LZTS1: variants seen among roughly 807,000 people sequenced by gnomAD.
LZTS1 encodes leucine zipper putative tumor suppressor 1.
LZTS1 carries 31 observed loss-of-function variants against 45.8 expected under a neutral mutation model. That is an observed-to-expected ratio of 0.68 (90% CI 0.51 to 0.91). LZTS1 has a LOEUF of 0.91. LZTS1 is among the 40% of genes least tolerant of loss of function. The pLI is 0.00. For missense variants in LZTS1, 821 were observed against 788.9 expected (o/e 1.04, Z -0.49); for synonymous variants, 359 against 357.3 (o/e 1.00, Z -0.05).
chr8:20,295,805 G>A (rs1324050881), intron 1 of LZTS1, among the ~76,000 whole-genome samples: 2 of 152,006 alleles, frequency 1.3e-5, no homozygotes, highest in Non-Finnish European at 2.9e-5. Context: ...TCAGTAGCAG[G>A]TGGACCCCTC....
chr8:20,280,184 T>C (rs915516036), intron 1 of LZTS1, among the ~76,000 whole-genome samples: 11 of 152,252 alleles, frequency 7.2e-5, no homozygotes, highest in Admixed American at 7.2e-4. Context: ...GTTTTCTCAG[T>C]TCTTTCTTTC....
intron 1 of LZTS1, among the ~76,000 whole-genome samples, chr8:20,295,167 C>G (rs1357737383): frequency 6.6e-6 from 1 of 151,826 alleles, no homozygotes; most frequent in African/African-American, 2.4e-5. Context: ...GATGTGAGAA[C>G]CGATTCTGCT....
At chr8:20,251,387 C>T (rs1799905444) in intron 3 of LZTS1, among the ~76,000 whole-genome samples, 1 of 151,860 alleles carries the variant, frequency 6.6e-6, no homozygotes, top group Non-Finnish European at 1.5e-5. Flanking sequence ...GGATTTTCTC[C>T]AGGACTGTGC....
chr8:20,253,098 T>C lies in LZTS1; in HGVS notation c.833A>G (p.Gln278Arg). Residue 278 changes from glutamine to arginine, a missense_variant, in exon 3 of 4, where the codon CAG (glutamine) becomes CGG (arginine). Coordinates refer to ENST00000381569, the MANE Select transcript of LZTS1 (RefSeq NM_021020.5). ...QKLLEREGAL[Q>R]KLQRSFEEKE... is the part of the protein sequence containing the mutation. Reference sequence around the variant, plus strand: ...CTCCTCAAAGCTGCGCTGCAGCTTCTGGAGGGCGCCCTCCCTCTCCAACAG... The same window carrying C: ...CTCCTCAAAGCTGCGCTGCAGCTTCCGGAGGGCGCCCTCCCTCTCCAACAG... 6.2e-7 allele frequency: 1 copy of C among 1,610,708 alleles called. No individual in the cohort carries two copies. Among genetic ancestry groups the C allele is most frequent in the Non-Finnish European group, 8.5e-7 (1 of 1,178,868 alleles).
intron 1 of LZTS1, among the ~76,000 whole-genome samples, chr8:20,277,271 C>G (rs1031993946): frequency 6.6e-6 from 1 of 152,206 alleles, no homozygotes; most frequent in African/African-American, 2.4e-5. Context: ...CTGGCAATGT[C>G]AGGAAATTAC....
chr8:20,297,988 A>G (rs1801006970), intron 1 of LZTS1, among the ~76,000 whole-genome samples: 1 of 152,206 alleles, frequency 6.6e-6, no homozygotes, highest in Admixed American at 6.5e-5. Context: ...ATTGGGACTC[A>G]GAACAGCTGG....
chr8:20,267,684 A>T (rs1258964175), intron 1 of LZTS1, among the ~76,000 whole-genome samples: 2 of 151,968 alleles, frequency 1.3e-5, no homozygotes, highest in Non-Finnish European at 2.9e-5. Flanking sequence ...TGCCCAGCTA[A>T]TTTTTTTATT....
intron 3 of LZTS1, among the ~76,000 whole-genome samples, 181 bp downstream of exon 3, chr8:20,252,601 G>A (rs759754905): frequency 2.6e-5 from 4 of 152,348 alleles, no homozygotes; most frequent in Non-Finnish European, 5.9e-5. Flanking sequence ...AAGCTCAGAT[G>A]TAAGTCGATC....
chr8:20,290,173 T>C (rs755787803), intron 1 of LZTS1: 1 of 152,098 alleles, frequency 6.6e-6, no homozygotes, highest in Non-Finnish European at 1.5e-5. Context: ...ATGGAGAAAC[T>C]GTCTATGGCC....
intron 1 of LZTS1, among the ~76,000 whole-genome samples, chr8:20,296,695 G>A (rs1168322031): frequency 6.6e-6 from 1 of 152,180 alleles, no homozygotes; most frequent in African/African-American, 2.4e-5. Flanking sequence ...ATACGTGTGT[G>A]TGCGTGTGTA....
chr8:20,257,044 T>G (rs573948807), intron 1 of LZTS1, among the ~76,000 whole-genome samples: 2 of 152,096 alleles, frequency 1.3e-5, no homozygotes, highest in South Asian at 4.2e-4. Flanking sequence ...GTCAAGAAAT[T>G]GTTTCCTAAA....
At chr8:20,303,714 G>C in intron 1 of LZTS1, 26 bp downstream of exon 1, 1 of 985,498 alleles carries the variant, frequency 1.0e-6, no homozygotes, top group Non-Finnish European at 1.2e-6. Flanking sequence ...CCAGGGGCGA[G>C]GAGATCCCCG....
chr8:20,286,442 C>A (rs929946789), intron 1 of LZTS1, among the ~76,000 whole-genome samples: 1 of 152,120 alleles, frequency 6.6e-6, no homozygotes, highest in African/African-American at 2.4e-5. Context: ...AAGTTAAAAT[C>A]ATAATTAAAT....
intron 1 of LZTS1, among the ~76,000 whole-genome samples, chr8:20,271,425 C>G (rs966421002): frequency 2.7e-4 from 41 of 152,180 alleles, no homozygotes; most frequent in African/African-American, 9.7e-4. Flanking sequence ...CAGCTGCCAC[C>G]TAAGTCCCTC....
chr8:20,260,400 G>T (rs747501434), intron 1 of LZTS1, among the ~76,000 whole-genome samples: 7 of 152,160 alleles, frequency 4.6e-5, no homozygotes, highest in Admixed American at 1.3e-4. Flanking sequence ...GGAGGCTAAG[G>T]CACAGACTCA....
At chr8:20,293,769 C>T (rs1800938563) in intron 1 of LZTS1, among the ~76,000 whole-genome samples, 1 of 151,942 alleles carries the variant, frequency 6.6e-6, no homozygotes. Context: ...CTCATCTCTA[C>T]AAAAAAATTT....
intron 1 of LZTS1, among the ~76,000 whole-genome samples, chr8:20,298,602 C>T (rs573773471): frequency 7.2e-5 from 11 of 152,192 alleles, no homozygotes; most frequent in Non-Finnish European, 1.6e-4. Context: ...GTGGCTCACA[C>T]CTAGAATCCC....
chr8:20,250,062 A>G lies in LZTS1; in HGVS notation c.1451T>C (p.Leu484Pro), dbSNP rs764514538. ...ELQELRAQAA[L>P]ARDMGPPTFP... ...GGTGGGCGGCCCCATGTCGCGGGCCAGGGCGGCCTGGGCCCGCAGCTCCTG... is the reference window on the plus strand; with the variant it reads ...GGTGGGCGGCCCCATGTCGCGGGCCGGGGCGGCCTGGGCCCGCAGCTCCTG... The change falls in exon 4 of 4, where the codon CTG becomes CCG. Residue 484 changes from leucine (L) to proline (P), a missense_variant. By Grantham distance (98) the Leu-to-Pro change is moderately conservative. Coordinates refer to ENST00000381569, the MANE Select transcript of LZTS1 (RefSeq NM_021020.5). 2 of 1,607,752 alleles carry G rather than the reference A, an allele frequency of 1.2e-6. No homozygotes were observed. Among genetic ancestry groups the G allele is most frequent in the Admixed American group, 3.3e-5 (2 of 59,930 alleles).
chr8:20,268,947 GC>G (rs954619579), intron 1 of LZTS1, among the ~76,000 whole-genome samples: 3 of 152,134 alleles, frequency 2.0e-5, no homozygotes, highest in Admixed American at 1.3e-4. Context: ...ACTCTGCCGG[GC>G]GGGCTTTTGT....
Sources: allele counts gnomAD v4.1 joint callset (sites outside exome capture counted in the v4.1 genomes callset), GRCh38; gene constraint gnomAD v4.1.1; transcripts MANE v1.5; gene names NCBI Gene and HGNC (gene_info 2026-07-23, HGNC 2026-07-21).